The following EYA1 variants were observed in gnomAD, a reference collection of about 807,000 sequenced individuals.
EYA1 encodes protein phosphatase EYA1.
EYA1 carries 16 observed loss-of-function variants against 82.0 expected under a neutral mutation model. The ratio of observed to expected loss-of-function variants is 0.20; its 90% CI spans 0.13 to 0.30. The LOEUF (loss-of-function observed/expected upper bound fraction) is 0.30. Among genes scored for constraint, EYA1 ranks in the 10% least tolerant of loss-of-function variants. The pLI, the probability that EYA1 is intolerant of heterozygous loss-of-function variation, is 1.00. For missense variants in EYA1, 633 were observed against 730.7 expected, an observed-to-expected ratio of 0.87 and a Z score of 1.54; for synonymous variants, 261 against 264.4, an observed-to-expected ratio of 0.99 and a Z score of 0.12.
intron 2 of EYA1, among the ~76,000 whole-genome samples, chr8:71,532,704 C>A (rs1814389920): frequency 6.6e-6 from 1 of 152,070 alleles, no homozygotes; most frequent in Non-Finnish European, 1.5e-5. Flanking sequence ...GTATTTCAAC[C>A]TTACTAGAAA....
chr8:71,533,738 G>A (rs919671231), intron 2 of EYA1, among the ~76,000 whole-genome samples: 7 of 152,288 alleles, frequency 4.6e-5, no homozygotes, highest in African/African-American at 1.4e-4. Flanking sequence ...CTCACACGAG[G>A]CCTCTGAAGA....
At chr8:71,213,332 C>T (rs1808768397) in intron 16 of EYA1, among the ~76,000 whole-genome samples, 1 of 152,200 alleles carries the variant, frequency 6.6e-6, no homozygotes, top group South Asian at 2.1e-4. Flanking sequence ...AGAACCTAAG[C>T]TCTACCCGCT....
At chr8:71,491,865 A>C (rs1188181592) in intron 2 of EYA1, among the ~76,000 whole-genome samples, 1 of 152,244 alleles carries the variant, frequency 6.6e-6, no homozygotes, top group African/African-American at 2.4e-5. Context: ...AGTTTACTGA[A>C]TATAGCCAAC....
intron 4 of EYA1, among the ~76,000 whole-genome samples, chr8:71,325,492 G>A (rs1397954275): frequency 6.6e-6 from 1 of 152,190 alleles, no homozygotes; most frequent in East Asian, 1.9e-4. Context: ...CTGGTATGTG[G>A]TAGAGGGAAT....
intron 2 of EYA1, among the ~76,000 whole-genome samples, chr8:71,425,031 C>T (rs1169534972): frequency 2.8e-5 from 4 of 140,644 alleles, no homozygotes; most frequent in Non-Finnish European, 4.5e-5. Flanking sequence ...GAGGCCGAGA[C>T]GGGCGGATCA....
At chr8:71,348,384 G>C (rs534956407) in intron 3 of EYA1, among the ~76,000 whole-genome samples, 11 of 152,310 alleles carry the variant, frequency 7.2e-5, no homozygotes, top group African/African-American at 2.6e-4. Context: ...GGGAACCAGA[G>C]GTTTCTCTCA....
At chr8:71,283,239 C>A (rs1818016771) in intron 9 of EYA1, among the ~76,000 whole-genome samples, 1 of 152,088 alleles carries the variant, frequency 6.6e-6, no homozygotes, top group Non-Finnish European at 1.5e-5. Flanking sequence ...TTCCTCTCCC[C>A]AGAATTCTTT....
chr8:71,547,220 G>A (rs1815696789), intron 1 of EYA1, among the ~76,000 whole-genome samples: 1 of 152,182 alleles, frequency 6.6e-6, no homozygotes, highest in South Asian at 2.1e-4. Context: ...CTAAGTATCT[G>A]CCTGCCTGGG....
At chr8:71,383,733 T>A (rs1448600059) in intron 2 of EYA1, among the ~76,000 whole-genome samples, 1 of 151,994 alleles carries the variant, frequency 6.6e-6, no homozygotes, top group Non-Finnish European at 1.5e-5. Context: ...AGAACAGTAA[T>A]CCTGTCTGGA....
intron 9 of EYA1, among the ~76,000 whole-genome samples, chr8:71,276,848 C>T (rs796814761): frequency 2.2e-4 from 33 of 152,168 alleles, no homozygotes; most frequent in African/African-American, 7.7e-4. Flanking sequence ...ATTGCTTGCT[C>T]GTTATTTAGC....
intron 7 of EYA1, among the ~76,000 whole-genome samples, chr8:71,316,281 T>C (rs1398722915): frequency 6.6e-6 from 1 of 152,140 alleles, no homozygotes; most frequent in African/African-American, 2.4e-5. Flanking sequence ...TACTTAAACT[T>C]ATTCAAAGGA....
At chr8:71,265,809 A>G (rs73684732) in intron 11 of EYA1, among the ~76,000 whole-genome samples, 3,031 of 152,322 alleles carry the variant, frequency 0.02, 92 homozygotes, top group African/African-American at 0.07. Flanking sequence ...GTCAGATACT[A>G]TTTAAAACAT....
chr8:71,218,471 C>CTATT (rs574643324), intron 12 of EYA1, among the ~76,000 whole-genome samples: 1 of 152,114 alleles, frequency 6.6e-6, no homozygotes. Context: ...TCTAAAGCAT[C>CTATT]TATTTTCCAG....
chr8:71,408,661 A>C (rs989874650), intron 2 of EYA1, among the ~76,000 whole-genome samples: 2 of 106,156 alleles, frequency 1.9e-5, no homozygotes, highest in Non-Finnish European at 3.8e-5. Context: ...TCAATTCAAC[A>C]AGAGGAGCTA....
chr8:71,316,544 T>C (rs893430755), intron 7 of EYA1, among the ~76,000 whole-genome samples: 1 of 152,172 alleles, frequency 6.6e-6, no homozygotes, highest in Non-Finnish European at 1.5e-5. Flanking sequence ...ATGCTGTATA[T>C]CTAGACAAAC....
rs541186382 is a variant in EYA1, at chr8:71,539,872, A to C, written c.-72-4024T>G. 5.3e-5 allele frequency among the ~76,000 whole-genome samples: 8 copies of C among 152,354 alleles called. No homozygotes were observed. The South Asian group carries it at 1.7e-3, about 32-fold the overall frequency. On this transcript the variant is annotated intron_variant, in intron 1 of 18. Transcript: ENST00000643681. ...ATGGCAATAAATGTTAGATTTAGGT[A>C]CTGATCTAACAGACTCTGCAGAAAA...
intron 12 of EYA1, among the ~76,000 whole-genome samples, chr8:71,238,199 G>A (rs892911268): frequency 6.6e-6 from 1 of 151,994 alleles, no homozygotes; most frequent in Non-Finnish European, 1.5e-5. Flanking sequence ...TAATTTGCTT[G>A]GTTTTATTTA....
chr8:71,492,471 T>TA, intron 2 of EYA1, among the ~76,000 whole-genome samples: 1 of 118,224 alleles, frequency 8.5e-6, no homozygotes, highest in South Asian at 2.8e-4. Flanking sequence ...TATTATTATT[T>TA]TTTTTTTTTT....
chr8:71,494,940 G>A (rs1286302026), intron 2 of EYA1, among the ~76,000 whole-genome samples: 2 of 151,976 alleles, frequency 1.3e-5, no homozygotes, highest in Non-Finnish European at 2.9e-5. Flanking sequence ...TAAGGCCTAA[G>A]CAATATAGTA....
Sources: allele counts gnomAD v4.1 joint callset (sites outside exome capture counted in the v4.1 genomes callset), GRCh38; gene constraint gnomAD v4.1.1; transcripts MANE v1.5; gene names NCBI Gene and HGNC (gene_info 2026-07-23, HGNC 2026-07-21).